HCN1: variants seen among roughly 807,000 people sequenced by gnomAD.
HCN1 encodes potassium/sodium hyperpolarization-activated cyclic nucleotide-gated channel 1.
Under a neutral mutation model 78.9 loss-of-function variants are expected in HCN1, and 13 were observed. The observed-to-expected ratio is 0.16, with a 90% CI of 0.11 to 0.26. The LOEUF is 0.26. Among genes scored for constraint, HCN1 ranks in the 10% least tolerant of loss-of-function variants. HCN1 has a pLI of 1.00. For missense variants in HCN1, 810 were observed against 1,154.3 expected, an observed-to-expected ratio of 0.70 and a Z score of 4.32; for synonymous variants, 552 against 455.5, an observed-to-expected ratio of 1.21 and a Z score of -2.70.
Position 45,372,167 on chromosome 5 carries a change from A to AATATGTATTATAT in HCN1, c.1231-18922_1231-18921insATATAATACATAT, listed in dbSNP as rs1747402577. 9.8e-5 allele frequency among the ~76,000 whole-genome samples: 4 copies of AATATGTATTATAT among 40,648 alleles called. No homozygotes were observed. The African/African-American group carries it at 1.2e-3, about 12-fold the overall frequency. 26.7% of individuals were successfully genotyped at this position (40,648 alleles called of 152,430 possible). A position where few individuals can be genotyped will look rare whatever the true frequency, so the allele number is the denominator to read the frequency against. On this transcript the variant is annotated intron_variant, in intron 4 of 7. Coordinates refer to ENST00000303230, the MANE Select transcript of HCN1 (RefSeq NM_021072.4). ...TATATTATATAATATGTTATTATAT[A>AATATGTATTATAT]TAATTATATTATAATATAATACAAT... is the stretch of plus-strand genomic sequence containing the variant.
chr5:45,358,195 G>T (rs921416387), intron 4 of HCN1, among the ~76,000 whole-genome samples: 11 of 152,044 alleles, frequency 7.2e-5, no homozygotes, highest in Admixed American at 6.6e-4. Flanking sequence ...AATAGAAGTG[G>T]CAATGGAAAT....
At chr5:45,298,914 T>G (rs1193180971) in intron 6 of HCN1, among the ~76,000 whole-genome samples, 2 of 152,000 alleles carry the variant, frequency 1.3e-5, no homozygotes, top group African/African-American at 4.8e-5. Context: ...ATTCATAGCA[T>G]GCACTCTCAA....
intron 6 of HCN1, among the ~76,000 whole-genome samples, chr5:45,270,969 T>C (rs531686332): frequency 1.8e-4 from 28 of 152,208 alleles, no homozygotes; most frequent in African/African-American, 6.7e-4. Context: ...ATATATAACA[T>C]ATGTAGCATA....
At chr5:45,363,316 C>A (rs1747163509) in intron 4 of HCN1, among the ~76,000 whole-genome samples, 1 of 151,472 alleles carries the variant, frequency 6.6e-6, no homozygotes, top group African/African-American at 2.4e-5. Context: ...TCTGGGAACT[C>A]TAGAAAACTT....
intron 5 of HCN1, among the ~76,000 whole-genome samples, chr5:45,315,129 T>C (rs1408588464): frequency 6.6e-6 from 1 of 152,120 alleles, no homozygotes; most frequent in East Asian, 1.9e-4. Context: ...CAGCACCACA[T>C]CACACTTATT....
chr5:45,413,370 G>A (rs1740060449), intron 3 of HCN1, among the ~76,000 whole-genome samples: 1 of 152,132 alleles, frequency 6.6e-6, no homozygotes, highest in East Asian at 1.9e-4. Flanking sequence ...GCCAGAAGAG[G>A]TAAATGTATT....
intron 2 of HCN1, among the ~76,000 whole-genome samples, chr5:45,516,666 C>T (rs1355082665): frequency 5.9e-5 from 9 of 151,834 alleles, no homozygotes. Context: ...GCATATTGAT[C>T]CTTAGAATAG....
intron 6 of HCN1, among the ~76,000 whole-genome samples, chr5:45,284,582 C>A (rs1039159349): frequency 6.6e-6 from 1 of 152,138 alleles, no homozygotes; most frequent in African/African-American, 2.4e-5. Flanking sequence ...AATCCTCTTT[C>A]CCTTGGCTAG....
chr5:45,477,550 G>T (rs1048468873), intron 2 of HCN1, among the ~76,000 whole-genome samples: 1 of 151,986 alleles, frequency 6.6e-6, no homozygotes, highest in Non-Finnish European at 1.5e-5. Flanking sequence ...TGTTTGTAAA[G>T]ATAACATAGA....
intron 2 of HCN1, among the ~76,000 whole-genome samples, chr5:45,505,576 G>A (rs1175115178): frequency 6.6e-6 from 1 of 152,052 alleles, no homozygotes; most frequent in African/African-American, 2.4e-5. Context: ...GATTGACTTG[G>A]CAAAGGAATT....
chr5:45,603,400 G>A (rs540863263), intron 2 of HCN1, among the ~76,000 whole-genome samples: 1 of 152,076 alleles, frequency 6.6e-6, no homozygotes, highest in Admixed American at 6.6e-5. Context: ...GTGATAAATA[G>A]AAGCAAGACA....
intron 4 of HCN1, among the ~76,000 whole-genome samples, chr5:45,380,729 C>T (rs1273366226): frequency 6.6e-6 from 1 of 151,948 alleles, no homozygotes; most frequent in East Asian, 1.9e-4. Context: ...CCTGTAGTTC[C>T]CATTACACAC....
intron 2 of HCN1, among the ~76,000 whole-genome samples, chr5:45,524,336 C>T (rs1453889283): frequency 6.6e-6 from 1 of 151,996 alleles, no homozygotes; most frequent in Non-Finnish European, 1.5e-5. Flanking sequence ...ATTGACTTGG[C>T]GATGAGGGCT....
In HCN1 at chr5:45,330,797, T is replaced by C. The variant is rs1162984236; in HGVS notation, c.1377+22303A>G. Among the ~76,000 whole-genome samples, 5 of 151,166 alleles carry C rather than the reference T, an allele frequency of 3.3e-5. No individual in the cohort carries two copies. The Admixed American group carries it at 3.3e-4, about 10-fold the overall frequency. On this transcript the variant is annotated intron_variant, in intron 5 of 7. Transcript: ENST00000303230. ...TCCTACTAATGCATACTCATTCATTTAAAAAAATTTTCAAATATATTTTTA... is the reference window on the plus strand; with the variant it reads ...TCCTACTAATGCATACTCATTCATTCAAAAAAATTTTCAAATATATTTTTA...
At chr5:45,667,374 A>C (rs1746069565) in intron 1 of HCN1, among the ~76,000 whole-genome samples, 1 of 152,012 alleles carries the variant, frequency 6.6e-6, no homozygotes, top group Non-Finnish European at 1.5e-5. Flanking sequence ...TTAGTTTCCT[A>C]TACTATTCAT....
chr5:45,364,285 A>G (rs1441746143), intron 4 of HCN1, among the ~76,000 whole-genome samples: 1 of 152,020 alleles, frequency 6.6e-6, no homozygotes, highest in African/African-American at 2.4e-5. Context: ...TCAATATACC[A>G]CCAATCCTCA....
At position 45,262,483 on chromosome 5, in the gene HCN1, C is replaced by A; in HGVS notation, c.2111G>T (p.Cys704Phe). ...LSPCSYTTAV[C>F]SPPVQSPLAA... ...CAGAGGGCTCTGTACAGGAGGGCTG[C>A]AGACCGCGGTGGTGTAGGAGCAGGG... Residue 704 changes from cysteine to phenylalanine, a missense_variant, in exon 8 of 8, where the codon TGC becomes TTC. Cys to Phe is a radical substitution (Grantham distance 205). Coordinates refer to ENST00000303230, the MANE Select transcript of HCN1 (RefSeq NM_021072.4). 2 of 1,613,086 alleles carry A rather than the reference C, an allele frequency of 1.2e-6. No individual in the cohort carries two copies. Among genetic ancestry groups the A allele is most frequent in the Non-Finnish European group, 1.7e-6 (2 of 1,179,850 alleles).
intron 2 of HCN1, among the ~76,000 whole-genome samples, chr5:45,641,441 C>G (rs1745453292): frequency 6.6e-6 from 1 of 152,104 alleles, no homozygotes; most frequent in African/African-American, 2.4e-5. Context: ...TCTGAAATTG[C>G]TATAGATACA....
At chr5:45,385,622 A>G (rs1211566121) in intron 4 of HCN1, among the ~76,000 whole-genome samples, 1 of 152,324 alleles carries the variant, frequency 6.6e-6, no homozygotes, top group Middle Eastern at 3.4e-3. Context: ...ACTTTAAACA[A>G]TATTTACCGT....
Sources: gnomAD v4.1 joint callset for allele counts (sites outside exome capture counted in the v4.1 genomes callset) on GRCh38, gnomAD v4.1.1 for gene constraint, MANE v1.5 for transcripts, NCBI Gene and HGNC (gene_info 2026-07-23, HGNC 2026-07-21) for gene names.